Variants in BNC2 observed in about 807,000 individuals in gnomAD.
BNC2 encodes basonuclin zinc finger protein 2.
BNC2 carries 20 observed loss-of-function variants against 76.3 expected under a neutral mutation model. That is an observed-to-expected ratio of 0.26 (90% CI 0.18 to 0.38). BNC2 has a LOEUF of 0.38. Among genes scored for constraint, BNC2 ranks in the 10% least tolerant of loss-of-function variants. BNC2 has a pLI of 1.00. For missense variants in BNC2, 1,382 were observed against 1,399.8 expected (o/e 0.99, Z 0.20); for synonymous variants, 582 against 514.8 (o/e 1.13, Z -1.77).
chr9:16,725,985 A>AACACACACACACACACACACAC (rs201355622), intron 3 of BNC2, among the ~76,000 whole-genome samples: 1 of 142,304 alleles, frequency 7.0e-6, no homozygotes, highest in Non-Finnish European at 1.5e-5. Flanking sequence ...CTTCCCTTCT[A>AACACACACACACACACACACAC]ACACACACAC....
At chr9:16,573,848 G>A (rs897606452) in intron 4 of BNC2, among the ~76,000 whole-genome samples, 1 of 152,144 alleles carries the variant, frequency 6.6e-6, no homozygotes, top group Non-Finnish European at 1.5e-5. Flanking sequence ...ACCTTTTGAA[G>A]ATATATAAAC....
At chr9:16,454,196 A>G (rs1821398959) in intron 5 of BNC2, among the ~76,000 whole-genome samples, 1 of 152,156 alleles carries the variant, frequency 6.6e-6, no homozygotes. Context: ...ATCTCAGATA[A>G]TCCCTTACAG....
intron 3 of BNC2, among the ~76,000 whole-genome samples, chr9:16,660,837 T>C (rs1159883586): frequency 2.0e-5 from 3 of 149,064 alleles, no homozygotes; most frequent in Non-Finnish European, 4.6e-5. Flanking sequence ...TTACATTTTA[T>C]ATTATACTAT....
chr9:16,662,302 C>T lies in BNC2; in HGVS notation c.330+65495G>A, dbSNP rs561567043. Among the ~76,000 whole-genome samples the T allele has an allele frequency of 7.9e-5, 12 of 152,276 alleles. No individual in the cohort carries two copies. The East Asian group carries it at 2.3e-3, about 29-fold the overall frequency. On this transcript the variant is annotated intron_variant, in intron 3 of 6. Transcript: ENST00000380672. Reference sequence around the variant, plus strand: ...CAAACCTATGAAGTGTACAACAGGGCAAGGTCTCATTCTACTCTACACTAA... The same window carrying T: ...CAAACCTATGAAGTGTACAACAGGGTAAGGTCTCATTCTACTCTACACTAA...
At chr9:16,855,437 A>T (rs975777869) in intron 1 of BNC2, among the ~76,000 whole-genome samples, 6 of 152,226 alleles carry the variant, frequency 3.9e-5, no homozygotes, top group African/African-American at 1.4e-4. Flanking sequence ...ATTCTAAAAT[A>T]AAAAAAGGTT....
At chr9:16,589,428 TG>T (rs539561589) in intron 3 of BNC2, among the ~76,000 whole-genome samples, 101 of 152,122 alleles carry the variant, frequency 6.6e-4, no homozygotes, top group African/African-American at 2.4e-3. Context: ...TCAAGCGATT[TG>T]CCCGCCTCAG....
At chr9:16,658,827 C>T (rs1192687975) in intron 3 of BNC2, among the ~76,000 whole-genome samples, 1 of 152,118 alleles carries the variant, frequency 6.6e-6, no homozygotes, top group African/African-American at 2.4e-5. Context: ...CTTATGCCCA[C>T]ACCCCCCACC....
chr9:16,794,216 G>C (rs1391288376), intron 1 of BNC2, among the ~76,000 whole-genome samples: 1 of 152,100 alleles, frequency 6.6e-6, no homozygotes, highest in Non-Finnish European at 1.5e-5. Flanking sequence ...GCAGTGATGT[G>C]TTTTTTATTC....
chr9:16,724,085 C>A (rs1355597805), intron 3 of BNC2, among the ~76,000 whole-genome samples: 3 of 151,940 alleles, frequency 2.0e-5, no homozygotes, highest in Non-Finnish European at 2.9e-5. Flanking sequence ...TGAAAAAAGA[C>A]CTTATTAAGG....
intron 3 of BNC2, among the ~76,000 whole-genome samples, chr9:16,673,701 A>G (rs185145893): frequency 4.2e-4 from 64 of 152,368 alleles, no homozygotes; most frequent in Admixed American, 3.7e-3. Flanking sequence ...TCATCAGTGT[A>G]CCAAATAAGT....
chr9:16,641,734 T>C (rs1229083137), intron 3 of BNC2, among the ~76,000 whole-genome samples: 1 of 152,144 alleles, frequency 6.6e-6, no homozygotes, highest in Non-Finnish European at 1.5e-5. Context: ...ATGGATTAAA[T>C]GAAATAAAGC....
chr9:16,727,104 CGAGT>C (rs1011960872), intron 3 of BNC2: 10 of 152,640 alleles, frequency 6.6e-5, no homozygotes, highest in Admixed American at 1.3e-4. Flanking sequence ...AGGCTGCGCC[CGAGT>C]GAGTGCGCCG....
chr9:16,691,504 C>CTTTTTTTTTTTTTTTT (rs71327842), intron 3 of BNC2, among the ~76,000 whole-genome samples: 1 of 113,234 alleles, frequency 8.8e-6, no homozygotes, highest in African/African-American at 3.5e-5. Context: ...GGTATGGGTT[C>CTTTTTTTTTTTTTTTT]TTTTTTTTTT....
intron 4 of BNC2, 60 bp from the exon 5 acceptor site, chr9:16,552,825 G>T: frequency 7.3e-7 from 1 of 1,369,486 alleles, no homozygotes; most frequent in South Asian, 1.2e-5. Flanking sequence ...TAAAGAGAGA[G>T]AACAGGAGTT....
At chr9:16,527,317 C>T (rs1210850757) in intron 5 of BNC2, among the ~76,000 whole-genome samples, 1 of 152,172 alleles carries the variant, frequency 6.6e-6, no homozygotes, top group Non-Finnish European at 1.5e-5. Context: ...AGATAATTAG[C>T]ATCAAAGAGA....
chr9:16,564,519 A>C (rs1385776479), intron 4 of BNC2, among the ~76,000 whole-genome samples: 1 of 152,134 alleles, frequency 6.6e-6, no homozygotes, highest in Non-Finnish European at 1.5e-5. Context: ...CCACCTGCCC[A>C]CCTGTGATCA....
chr9:16,734,309 C>G (rs1265807517), intron 2 of BNC2, among the ~76,000 whole-genome samples: 1 of 152,188 alleles, frequency 6.6e-6, no homozygotes, highest in Non-Finnish European at 1.5e-5. Context: ...ATTGCTTATT[C>G]TCTTAAAAAC....
intron 5 of BNC2, among the ~76,000 whole-genome samples, chr9:16,445,211 G>A (rs1821206724): frequency 6.6e-6 from 1 of 152,198 alleles, no homozygotes; most frequent in South Asian, 2.1e-4. Context: ...ATGTTTATTT[G>A]TTTTAGCAGA....
chr9:16,627,758 C>T (rs1239454361), intron 3 of BNC2, among the ~76,000 whole-genome samples: 1 of 152,140 alleles, frequency 6.6e-6, no homozygotes, highest in African/African-American at 2.4e-5. Flanking sequence ...AAGTTCTTCA[C>T]CCGTCATGGG....
Sources: gnomAD v4.1 joint callset for allele counts (sites outside exome capture counted in the v4.1 genomes callset) on GRCh38, gnomAD v4.1.1 for gene constraint, MANE v1.5 for transcripts, NCBI Gene and HGNC (gene_info 2026-07-23, HGNC 2026-07-21) for gene names.